The following CNTNAP2 variants were observed in gnomAD, a reference collection of about 807,000 sequenced individuals.
CNTNAP2 encodes the protein contactin-associated protein-like 2.
Under a neutral mutation model 155.2 loss-of-function variants are expected in CNTNAP2, and 98 were observed. That is an observed-to-expected ratio of 0.63 (90% CI 0.54 to 0.75). The LOEUF is 0.75. Among genes scored for constraint, CNTNAP2 ranks in the 30% least tolerant of loss-of-function variants. CNTNAP2 has a pLI of 0.00. For synonymous variants in CNTNAP2, 651 were observed against 631.2 expected, an observed-to-expected ratio of 1.03 and a Z score of -0.47; for missense variants, 1,727 against 1,688.1, an observed-to-expected ratio of 1.02 and a Z score of -0.40.
chr7:147,378,820 C>A (rs541541322), intron 9 of CNTNAP2, among the ~76,000 whole-genome samples: 38 of 152,060 alleles, frequency 2.5e-4, no homozygotes, highest in African/African-American at 8.9e-4. Context: ...CCTGGAGTAT[C>A]CATTTATTTC....
chr7:146,361,207 A>T (rs1314201974), intron 1 of CNTNAP2, among the ~76,000 whole-genome samples: 5 of 152,174 alleles, frequency 3.3e-5, no homozygotes, highest in Non-Finnish European at 7.3e-5. Flanking sequence ...GCAGCTCTAC[A>T]TACATACAGC....
chr7:147,937,016 C>T (rs1018942547), intron 14 of CNTNAP2, among the ~76,000 whole-genome samples: 126 of 151,838 alleles, frequency 8.3e-4, no homozygotes, highest in African/African-American at 2.9e-3. Context: ...CCAGTATTTT[C>T]TCTGGTGGTC....
intron 11 of CNTNAP2, among the ~76,000 whole-genome samples, chr7:147,508,826 T>C (rs1798962771): frequency 1.3e-5 from 2 of 152,216 alleles, no homozygotes; most frequent in Non-Finnish European, 1.5e-5. Context: ...CTTCGCCTTC[T>C]GCCATGATTG....
At position 148,266,833 on chromosome 7, in the gene CNTNAP2, C is replaced by G. The variant is rs3801974; in HGVS notation, c.3382-200C>G. Among the ~76,000 whole-genome samples, 115,525 of 152,002 alleles carry G rather than the reference C, an allele frequency of 0.76. 44,047 individuals are homozygous for G. The highest frequency in any genetic ancestry group is 0.87 in the South Asian group (4,184 of 4,800). On this transcript the variant is annotated intron_variant, in intron 20 of 23. Coordinates refer to ENST00000361727, the MANE Select transcript of CNTNAP2 (RefSeq NM_014141.6). The stretch of plus-strand genomic sequence containing the variant: ...TTCATAAAGGATCTTCACTTACCAT[C>G]CTCAGATTTTTTCAAAGAACCCCAG...
In CNTNAP2 at chr7:147,764,140, T is replaced by C. The variant is rs1797349602; in HGVS notation, c.2098+124834T>C. ...TTCCAACCCTGTTTGCTATGGGTTA[T>C]TTTCTTAGGTACTTGGTGTCTTGCC... On this transcript the variant is annotated intron_variant, in intron 13 of 23. Transcript: ENST00000361727. Among the ~76,000 whole-genome samples the C allele has an allele frequency of 1.3e-5, 2 of 152,172 alleles. 1 individual carries two copies. The highest frequency in any genetic ancestry group is 1.3e-4 in the Admixed American group (2 of 15,274).
At chr7:146,783,627 A>G (rs1802526547) in intron 2 of CNTNAP2, among the ~76,000 whole-genome samples, 1 of 152,200 alleles carries the variant, frequency 6.6e-6, no homozygotes, top group Non-Finnish European at 1.5e-5. Flanking sequence ...TTTTTCAACC[A>G]TTACACTCAA....
chr7:147,784,318 C>T (rs1254418384), intron 13 of CNTNAP2, among the ~76,000 whole-genome samples: 1 of 139,860 alleles, frequency 7.2e-6, no homozygotes, highest in African/African-American at 2.6e-5. Context: ...TAAGATAAAA[C>T]CAAACAAAAA....
chr7:147,185,306 ATTAT>A (rs1356510080), intron 8 of CNTNAP2, among the ~76,000 whole-genome samples: 14 of 152,306 alleles, frequency 9.2e-5, no homozygotes, highest in Middle Eastern at 3.4e-3. Context: ...TCTTTAGATA[ATTAT>A]TTAGCATTAT....
intron 1 of CNTNAP2, among the ~76,000 whole-genome samples, chr7:146,567,322 C>T (rs1332833432): frequency 6.6e-6 from 1 of 151,978 alleles, no homozygotes; most frequent in African/African-American, 2.4e-5. Context: ...TAAAGGATCA[C>T]ATGTTAAATA....
intron 8 of CNTNAP2, among the ~76,000 whole-genome samples, chr7:147,172,495 C>T (rs1388653815): frequency 6.6e-6 from 1 of 151,916 alleles, no homozygotes; most frequent in Admixed American, 6.6e-5. Flanking sequence ...ACTCACTTAC[C>T]TTTTAATTTT....
At chr7:146,969,907 A>T (rs996643514) in intron 3 of CNTNAP2, among the ~76,000 whole-genome samples, 10 of 152,210 alleles carry the variant, frequency 6.6e-5, no homozygotes, top group Non-Finnish European at 1.3e-4. Flanking sequence ...ATAATGCCGC[A>T]TATCTACAAC....
intron 10 of CNTNAP2, among the ~76,000 whole-genome samples, chr7:147,417,881 A>C (rs528892755): frequency 8.3e-4 from 126 of 152,362 alleles, no homozygotes; most frequent in Non-Finnish European, 1.6e-3. Context: ...GTTTTTTAAG[A>C]GTTCCATTTA....
At chr7:146,171,022 G>C (rs985263552) in intron 1 of CNTNAP2, among the ~76,000 whole-genome samples, 7 of 149,546 alleles carry the variant, frequency 4.7e-5, no homozygotes, top group African/African-American at 1.7e-4. Flanking sequence ...GCGAGACTCC[G>C]TCTAAAAATA....
At chr7:147,706,466 G>A (rs187453890) in intron 13 of CNTNAP2, among the ~76,000 whole-genome samples, 83 of 151,760 alleles carry the variant, frequency 5.5e-4, no homozygotes, top group African/African-American at 1.9e-3. Flanking sequence ...ATTCTTCCTG[G>A]CTTGAAAGGT....
chr7:147,927,399 T>C (rs1174954886), intron 14 of CNTNAP2, among the ~76,000 whole-genome samples: 1 of 152,196 alleles, frequency 6.6e-6, no homozygotes, highest in Non-Finnish European at 1.5e-5. Context: ...TAATTTAACC[T>C]AAGAGTTGTA....
intron 3 of CNTNAP2, among the ~76,000 whole-genome samples, chr7:146,870,772 C>G (rs1382136101): frequency 2.0e-5 from 3 of 151,998 alleles, no homozygotes; most frequent in Non-Finnish European, 4.4e-5. Context: ...TAATAACAAG[C>G]ATAATAAAAA....
intron 13 of CNTNAP2, among the ~76,000 whole-genome samples, chr7:147,650,752 T>C (rs908558957): frequency 5.9e-5 from 9 of 152,236 alleles, no homozygotes; most frequent in Non-Finnish European, 1.3e-4. Flanking sequence ...CAATTTTTAC[T>C]GCACAGGGGG....
chr7:147,258,709 C>T (rs188235918), intron 8 of CNTNAP2, among the ~76,000 whole-genome samples: 10 of 152,212 alleles, frequency 6.6e-5, no homozygotes, highest in East Asian at 1.9e-4. Flanking sequence ...TTTGTTGATG[C>T]GGAAACTGAG....
At position 146,847,307 on chromosome 7, in the gene CNTNAP2, A is replaced by G. The variant is rs114473880; in HGVS notation, c.402+7403A>G. 5.9e-3 allele frequency among the ~76,000 whole-genome samples: 896 copies of G among 152,228 alleles called. 7 individuals carry two copies. The highest frequency in any genetic ancestry group is 0.021 in the African/African-American group (869 of 41,536). On this transcript the variant is annotated intron_variant, in intron 3 of 23. Transcript: ENST00000361727. The stretch of plus-strand genomic sequence containing the variant: ...TCTTATGTGCCTGGAGACGCCTGAG[A>G]GGCCGTGGAATGAGTAATTCTATGT...
Sources: gnomAD v4.1 joint callset for allele counts (sites outside exome capture counted in the v4.1 genomes callset) on GRCh38, gnomAD v4.1.1 for gene constraint, MANE v1.5 for transcripts, NCBI Gene and HGNC (gene_info 2026-07-23, HGNC 2026-07-21) for gene names.